Variants in TOPAZ1 observed in about 807,000 individuals in gnomAD.
The protein encoded by TOPAZ1 is testis and ovary specific TOPAZ 1, also known as protein TOPAZ1.
A neutral mutation model predicts 172.2 loss-of-function variants in TOPAZ1; 66 were observed. The ratio of observed to expected loss-of-function variants is 0.38; its 90% confidence interval spans 0.31 to 0.47. The LOEUF (loss-of-function observed/expected upper bound fraction) is 0.47. TOPAZ1 is among the 20% of genes least tolerant of loss of function. The pLI is 0.99. For synonymous variants in TOPAZ1, 681 were observed against 683.9 expected, an observed-to-expected ratio of 1.00 and a Z score of 0.07; for missense variants, 1,822 against 1,972.4, an observed-to-expected ratio of 0.92 and a Z score of 1.44.
At chr3:44,252,730 G>A (rs774734260) in intron 2 of TOPAZ1, among the ~76,000 whole-genome samples, 3 of 152,166 alleles carry the variant, frequency 2.0e-5, no homozygotes, top group Non-Finnish European at 4.4e-5. Context: ...AGTTCTCTTG[G>A]CACATATCTC....
chr3:44,325,705 G>T (rs570951748), intron 18 of TOPAZ1, among the ~76,000 whole-genome samples: 1 of 151,360 alleles, frequency 6.6e-6, no homozygotes, highest in Non-Finnish European at 1.5e-5. Flanking sequence ...GTACAGTGGC[G>T]CAATCTCGGC....
chr3:44,287,966 A>G (rs2125693226), intron 11 of TOPAZ1, 127 bp downstream of exon 11: 1 of 599,534 alleles, frequency 1.7e-6, no homozygotes, highest in Non-Finnish European at 2.9e-6. Flanking sequence ...TATTTCCAGA[A>G]GTATTCTTTT....
intron 12 of TOPAZ1, among the ~76,000 whole-genome samples, chr3:44,294,603 G>A (rs896296815): frequency 2.0e-5 from 3 of 152,064 alleles, no homozygotes; most frequent in Admixed American, 1.3e-4. Flanking sequence ...TTGGGCTCAA[G>A]AAATTCTCCT....
intron 2 of TOPAZ1, among the ~76,000 whole-genome samples, chr3:44,245,617 A>T (rs1699556000): frequency 7.1e-6 from 1 of 141,352 alleles, no homozygotes; most frequent in Non-Finnish European, 1.5e-5. Flanking sequence ...GCTCACTGCA[A>T]GCTCTGCCTC....
chr3:44,310,485 CG>C (rs1700386730), intron 16 of TOPAZ1, among the ~76,000 whole-genome samples: 1 of 151,784 alleles, frequency 6.6e-6, no homozygotes, highest in Non-Finnish European at 1.5e-5. Flanking sequence ...GGCAACAGAA[CG>C]AGACTCCATC....
downstream of TOPAZ1, among the ~76,000 whole-genome samples, chr3:44,334,903 T>A (rs1700706656): frequency 6.6e-6 from 1 of 152,186 alleles, no homozygotes; most frequent in Non-Finnish European, 1.5e-5. Flanking sequence ...GCTACAGACT[T>A]TTCTAGTGCT....
chr3:44,328,393 C>T lies in TOPAZ1; in HGVS notation c.4819C>T (p.Pro1607Ser), dbSNP rs1173008860. The change falls in exon 19 of 20, where the codon CCT (proline) becomes TCT (serine). Residue 1607 changes from proline to serine, a missense_variant. This residue lies in a region of TOPAZ1 where 333 missense variants were observed against 481.7 expected (regional missense o/e 0.69). Coordinates refer to ENST00000309765, the MANE Select transcript of TOPAZ1 (RefSeq NM_001145030.2). The part of the protein sequence containing the change: ...MVSNASSIQS[P>S]GTSTQILQIV... ...ATCTAATGCTAGTAGTATTCAGAGT[C>T]CTGGAACTTCTACACAGATACTGCA... 1 of 1,520,798 alleles carries T rather than the reference C, an allele frequency of 6.6e-7. No individual in the cohort carries two copies. 94.2% of individuals were successfully genotyped at this position (1,520,798 alleles called of 1,614,324 possible).
chr3:44,305,010 A>G, intron 13 of TOPAZ1, 137 bp from the exon 14 acceptor site: 2 of 615,906 alleles, frequency 3.2e-6, no homozygotes, highest in Non-Finnish European at 5.4e-6. Flanking sequence ...TGGTAAGCTT[A>G]TAAGATGTGC....
At chr3:44,257,423 T>A (rs1699724505) in intron 4 of TOPAZ1, among the ~76,000 whole-genome samples, 2 of 136,110 alleles carry the variant, frequency 1.5e-5, no homozygotes, top group Non-Finnish European at 3.2e-5. Context: ...TTTATATATT[T>A]TATATATATA....
chr3:44,294,601 A>G (rs1033541602), intron 12 of TOPAZ1, among the ~76,000 whole-genome samples: 3 of 152,094 alleles, frequency 2.0e-5, no homozygotes, highest in South Asian at 2.1e-4. Flanking sequence ...TCTTGGGCTC[A>G]AGAAATTCTC....
chr3:44,243,848 T>A lies in TOPAZ1; in HGVS notation c.1342T>A (p.Ser448Thr). ...ESMASKEDFK[S>T]MKSFIGKSPN... ...CATGGCATCGAAAGAGGATTTTAAA[T>A]CGATGAAAAGCTTCATAGGGAAATC... The change falls in exon 2 of 20, where the codon TCG (serine) becomes ACG (threonine). Residue 448 changes from serine to threonine, a missense_variant. Around this residue, in one of 2 missense-constraint regions of TOPAZ1, gnomAD observed 1,489 missense variants for 1,490.8 expected, o/e 1.00. Coordinates refer to ENST00000309765, the MANE Select transcript of TOPAZ1 (RefSeq NM_001145030.2). 1.3e-6 allele frequency: 2 copies of A among 1,551,742 alleles called. No individual in the cohort carries two copies. Among genetic ancestry groups the A allele is most frequent in the Non-Finnish European group, 1.7e-6 (2 of 1,146,976 alleles).
intron 16 of TOPAZ1, among the ~76,000 whole-genome samples, chr3:44,320,403 C>T (rs889454489): frequency 6.6e-6 from 1 of 152,142 alleles, no homozygotes; most frequent in Non-Finnish European, 1.5e-5. Flanking sequence ...CGAGACTGTC[C>T]TGGCTGACAC....
intron 15 of TOPAZ1, among the ~76,000 whole-genome samples, chr3:44,307,018 GT>G (rs764652071): frequency 6.6e-6 from 1 of 151,872 alleles, no homozygotes; most frequent in Admixed American, 6.6e-5. Flanking sequence ...TGTTTGTGGG[GT>G]TTTTTTGTTT....
chr3:44,298,917 T>TG (rs1358756155), intron 12 of TOPAZ1, among the ~76,000 whole-genome samples: 1 of 33,546 alleles, frequency 3.0e-5, no homozygotes, highest in African/African-American at 9.6e-5. Flanking sequence ...ATATTTTTTT[T>TG]TTTTTTTTTT....
chr3:44,255,135 G>C, intron 3 of TOPAZ1, 106 bp downstream of exon 3: 1 of 754,564 alleles, frequency 1.3e-6, no homozygotes, highest in Non-Finnish European at 2.1e-6. Context: ...TTTCATTTTA[G>C]GGTCTGTTGA....
chr3:44,304,041 A>C lies in TOPAZ1; in HGVS notation c.3824A>C (p.Asn1275Thr), dbSNP rs1402853899. ...SRLQMRRFKK[N>T]WKCDLDSALN... ...TTACAGATGAGACGATTTAAAAAGAACTGGAAGTGTGATTTAGATTCAGCC... is the reference window on the plus strand; with the variant it reads ...TTACAGATGAGACGATTTAAAAAGACCTGGAAGTGTGATTTAGATTCAGCC... Residue 1275 changes from asparagine (N) to threonine (T), a missense_variant, in exon 13 of 20, where the codon AAC becomes ACC. Asn to Thr is a moderately conservative substitution (Grantham distance 65). Transcript: ENST00000309765. 1 of 1,539,436 alleles carries C rather than the reference A, an allele frequency of 6.5e-7. No homozygotes were observed. The highest frequency in any genetic ancestry group is 8.8e-7 in the Non-Finnish European group (1 of 1,137,468).
chr3:44,298,274 G>A (rs1700221957), intron 12 of TOPAZ1, among the ~76,000 whole-genome samples: 2 of 152,082 alleles, frequency 1.3e-5, no homozygotes, highest in South Asian at 2.1e-4. Flanking sequence ...GGCCAGCCTG[G>A]GCAACGTGGT....
Position 44,244,437 on chromosome 3 carries a change from C to T in TOPAZ1, c.1931C>T (p.Thr644Ile). 6.4e-7 allele frequency: 1 copy of T among 1,551,642 alleles called. No homozygotes were observed. ...GNLTKLNLTA[T>I]SKDGQEANNS... ...TTAACGAAACTTAATTTGACAGCGA[C>T]TTCCAAAGATGGTCAGGAAGCAAAT... The change falls in exon 2 of 20, where the codon ACT becomes ATT. Residue 644 changes from threonine to isoleucine, a missense_variant. Thr to Ile is a moderately conservative substitution (Grantham distance 89). Around this residue, in one of 2 missense-constraint regions of TOPAZ1, gnomAD observed 1,489 missense variants for 1,490.8 expected, o/e 1.00. Transcript: ENST00000309765.
chr3:44,243,078 C>T lies in TOPAZ1; in HGVS notation c.572C>T (p.Thr191Ile). The change falls in exon 2 of 20, where the codon ACA becomes ATA. Residue 191 changes from threonine (T) to isoleucine (I), a missense_variant. This residue lies in a region of TOPAZ1 where 1,489 missense variants were observed against 1,490.8 expected (regional missense o/e 1.00). Transcript: ENST00000309765. ...CTCAAAATAACCGAAAATGAGGCTA[C>T]ACAAAATATTAAGGTTGAATTCCAA... ...PPLKITENEA[T>I]QNIKVEFQDE... The T allele has an allele frequency of 6.5e-7, 1 of 1,547,406 alleles. No individual in the cohort carries two copies. Among genetic ancestry groups the T allele is most frequent in the Non-Finnish European group, 8.7e-7 (1 of 1,145,948 alleles).
Sources: gnomAD v4.1 joint callset for allele counts (sites outside exome capture counted in the v4.1 genomes callset) on GRCh38, gnomAD v4.1.1 for gene constraint, gnomAD v4.1.1 regional missense constraint, MANE v1.5 for transcripts, NCBI Gene and HGNC (gene_info 2026-07-23, HGNC 2026-07-21) for gene names.